The following GNG7 variants were observed in gnomAD, a reference collection of about 807,000 sequenced individuals.
GNG7 encodes guanine nucleotide-binding protein G(I)/G(S)/G(O) subunit gamma-7.
GNG7 carries 1 observed loss-of-function variant against 4.0 expected under a neutral mutation model. The ratio of observed to expected loss-of-function variants is 0.25; its 90% CI spans 0.09 to 1.18. The LOEUF (loss-of-function observed/expected upper bound fraction) is 1.18, where lower values mean the gene tolerates loss of function less well. Ranked by LOEUF, GNG7 falls within the 50% of genes most tolerant of loss-of-function variation. GNG7 has a pLI of 0.50. For missense variants in GNG7, 86 were observed against 91.9 expected, an observed-to-expected ratio of 0.94 and a Z score of 0.26; for synonymous variants, 34 against 36.9, an observed-to-expected ratio of 0.92 and a Z score of 0.29.
intron 1 of GNG7, among the ~76,000 whole-genome samples, chr19:2,660,635 A>G (rs537241827): frequency 6.6e-6 from 1 of 152,182 alleles, no homozygotes; most frequent in South Asian, 2.1e-4. Context: ...TACAAAAAAT[A>G]CAAAAATTAG....
At chr19:2,582,271 G>A (rs1293847874) in intron 2 of GNG7, among the ~76,000 whole-genome samples, 1 of 152,152 alleles carries the variant, frequency 6.6e-6, no homozygotes, top group African/African-American at 2.4e-5. Flanking sequence ...CAGCCAATGG[G>A]AAGCTGGATG....
intron 1 of GNG7, among the ~76,000 whole-genome samples, chr19:2,691,962 T>C (rs1913145276): frequency 6.6e-6 from 1 of 151,690 alleles, no homozygotes; most frequent in South Asian, 2.1e-4. Flanking sequence ...AATGAGGCCA[T>C]AAGCCAAGGA....
chr19:2,515,285 C>T (rs775137455), intron 4 of GNG7, 138 bp from the exon 5 acceptor site: 78 of 994,272 alleles, frequency 7.8e-5, no homozygotes, highest in Non-Finnish European at 1.0e-4. Context: ...GCAAACAGTG[C>T]GGCCCGTCCA....
At chr19:2,657,825 T>C (rs1983035859) in intron 1 of GNG7, among the ~76,000 whole-genome samples, 1 of 152,148 alleles carries the variant, frequency 6.6e-6, no homozygotes, top group Non-Finnish European at 1.5e-5. Context: ...TGGCTCTGCC[T>C]TCGAGATAGC....
At chr19:2,587,323 T>C (rs913437377) in intron 2 of GNG7, among the ~76,000 whole-genome samples, 3 of 152,152 alleles carry the variant, frequency 2.0e-5, no homozygotes, top group African/African-American at 7.2e-5. Context: ...CTCACCTGCG[T>C]ACCCTGCGTT....
intron 2 of GNG7, among the ~76,000 whole-genome samples, chr19:2,591,711 G>A (rs1980855466): frequency 6.6e-6 from 1 of 152,092 alleles, no homozygotes; most frequent in African/African-American, 2.4e-5. Flanking sequence ...ATGTAACAAA[G>A]TGTTAGTGCC....
At chr19:2,694,616 C>T (rs1381676925) in intron 1 of GNG7, among the ~76,000 whole-genome samples, 1 of 151,972 alleles carries the variant, frequency 6.6e-6, no homozygotes, top group Non-Finnish European at 1.5e-5. Flanking sequence ...CAGTGTAAAT[C>T]AGGGGGACCC....
chr19:2,595,948 T>C (rs1020835344), intron 2 of GNG7, among the ~76,000 whole-genome samples: 1 of 152,056 alleles, frequency 6.6e-6, no homozygotes, highest in Non-Finnish European at 1.5e-5. Flanking sequence ...CACTCGGCTC[T>C]GTCCATCAAC....
At chr19:2,539,984 T>C (rs1978901789) in intron 3 of GNG7, among the ~76,000 whole-genome samples, 2 of 145,634 alleles carry the variant, frequency 1.4e-5, no homozygotes, top group South Asian at 4.6e-4. Context: ...TCCTTCTCTC[T>C]CTCTTTCCTT....
intron 3 of GNG7, among the ~76,000 whole-genome samples, chr19:2,553,842 T>G (rs1037382869): frequency 6.8e-6 from 1 of 146,226 alleles, no homozygotes; most frequent in Non-Finnish European, 1.5e-5. Context: ...TATGTAATAT[T>G]GCATACATGT....
At chr19:2,565,467 G>A (rs1220123925) in intron 2 of GNG7, among the ~76,000 whole-genome samples, 1 of 150,370 alleles carries the variant, frequency 6.7e-6, no homozygotes, top group African/African-American at 2.5e-5. Flanking sequence ...AGCCGAGATC[G>A]TGCCATTGCA....
intron 1 of GNG7, among the ~76,000 whole-genome samples, chr19:2,660,343 C>T (rs984047869): frequency 3.3e-5 from 5 of 152,196 alleles, no homozygotes; most frequent in Non-Finnish European, 7.3e-5. Context: ...CAATTCCTTC[C>T]ATTGAAGGGT....
At position 2,512,016 on chromosome 19, in the gene GNG7, C is replaced by T. The variant is rs940840937; in HGVS notation, c.*3006G>A. On this transcript the variant is annotated 3_prime_UTR_variant, in exon 5 of 5. Coordinates refer to ENST00000382159, the MANE Select transcript of GNG7 (RefSeq NM_052847.3). The surrounding 1 kb of genome is among the most constrained non-coding windows in gnomAD (Gnocchi z 4.7). ...GTGTCTCGCTCAGCAGCGGGGAAGG[C>T]CCGTGGGAGACCCAGGCTACAGAAG... is the stretch of plus-strand genomic sequence containing the variant. 1.8e-5 allele frequency: 18 copies of T among 985,760 alleles called. No homozygotes were observed. The highest frequency in any genetic ancestry group is 1.4e-4 in the African/African-American group (8 of 57,224). 61.1% of individuals were successfully genotyped at this position (985,760 alleles called of 1,614,324 possible).
At chr19:2,701,636 CCAGA>C (rs1253058894) in intron 1 of GNG7, among the ~76,000 whole-genome samples, 1 of 150,626 alleles carries the variant, frequency 6.6e-6, no homozygotes. Context: ...AGTCCTCTCC[CCAGA>C]CAACCTCAAC....
intron 2 of GNG7, chr19:2,643,738 C>A: frequency 2.4e-6 from 1 of 421,348 alleles, no homozygotes; most frequent in Non-Finnish European, 4.8e-6. Flanking sequence ...GCGATGCACA[C>A]TGGGCACGCT....
chr19:2,567,115 A>C (rs542743219), intron 2 of GNG7, among the ~76,000 whole-genome samples: 1 of 43,500 alleles, frequency 2.3e-5, no homozygotes, highest in East Asian at 4.1e-4. Flanking sequence ...CCGTCTCAAA[A>C]AAAAAAACAA....
rs908261528 is a variant in GNG7, at chr19:2,611,828, T to C, written c.-78+34396A>G. On this transcript the variant is annotated intron_variant, in intron 2 of 4. Transcript: ENST00000382159. This position sits in a 1 kb window ranked among gnomAD's most constrained non-coding sequence, Gnocchi z 6.0. ...TCCAGCCTGGGCGACAGAGGGAGAT[T>C]CTGTCTCTAAAAAAATAAAAAGTAA... 13 of 152,152 alleles carry C rather than the reference T, an allele frequency of 8.5e-5. No homozygotes were observed. Among genetic ancestry groups the C allele is most frequent in the Non-Finnish European group, 1.9e-4 (13 of 68,036 alleles). The allele number at this position is 152,152 out of a possible 1,614,324, so 9.4% of individuals were successfully genotyped here.
chr19:2,670,310 G>A (rs569680715), intron 1 of GNG7, among the ~76,000 whole-genome samples: 3 of 152,302 alleles, frequency 2.0e-5, no homozygotes, highest in South Asian at 4.1e-4. Flanking sequence ...CCACCCCACT[G>A]TCGGGGGAGC....
At chr19:2,647,212 G>A (rs77556220) in intron 1 of GNG7, among the ~76,000 whole-genome samples, 6,226 of 152,264 alleles carry the variant, frequency 0.041, 430 homozygotes, top group African/African-American at 0.14. Flanking sequence ...TGGAATCCTG[G>A]CATGGGTCAG....
Sources: allele counts gnomAD v4.1 joint callset (sites outside exome capture counted in the v4.1 genomes callset), GRCh38; gene constraint gnomAD v4.1.1; non-coding constraint Gnocchi (gnomAD v3.1); transcripts MANE v1.5; gene names NCBI Gene and HGNC (gene_info 2026-07-23, HGNC 2026-07-21).